LRRC4C: variants seen among roughly 807,000 people sequenced by gnomAD.
The protein encoded by LRRC4C is leucine-rich repeat-containing protein 4C.
A neutral mutation model predicts 33.6 loss-of-function variants in LRRC4C; 5 were observed. The observed-to-expected ratio is 0.15, with a 90% CI of 0.08 to 0.31. The LOEUF (loss-of-function observed/expected upper bound fraction) is 0.31, where lower values mean the gene tolerates loss of function less well. Among genes scored for constraint, LRRC4C ranks in the 10% least tolerant of loss-of-function variants. The pLI, the probability that LRRC4C is intolerant of heterozygous loss-of-function variation, is 1.00. For missense variants in LRRC4C, 560 were observed against 796.7 expected (o/e 0.70, Z 3.58); for synonymous variants, 329 against 302.0 (o/e 1.09, Z -0.93).
At chr11:40,417,095 A>C (rs188792612) in intron 3 of LRRC4C, among the ~76,000 whole-genome samples, 6 of 152,354 alleles carry the variant, frequency 3.9e-5, no homozygotes, top group Admixed American at 1.3e-4. Context: ...GAGAATAGAT[A>C]GGAAGGCAAG....
Position 40,529,933 on chromosome 11 carries a change from G to A in LRRC4C, c.-270+118209C>T, listed in dbSNP as rs551904100. ...ATGTAAACCTATGTAACAAACCTGC[G>A]TGTTGTGCTCATGTACCCCAGAAAT... On this transcript the variant is annotated intron_variant, in intron 3 of 6. Coordinates refer to ENST00000528697, the MANE Select transcript of LRRC4C (RefSeq NM_001258419.2). Among the ~76,000 whole-genome samples the A allele has an allele frequency of 9.9e-5, 15 of 152,120 alleles. 1 individual carries two copies. In the South Asian group the frequency reaches 2.3e-3, roughly 23 times the overall value.
At chr11:40,707,223 C>T (rs1946213306) in intron 2 of LRRC4C, among the ~76,000 whole-genome samples, 2 of 152,078 alleles carry the variant, frequency 1.3e-5, no homozygotes, top group South Asian at 4.1e-4. Flanking sequence ...GCCTGAGTGC[C>T]CTGGCCAGAA....
Position 41,146,243 on chromosome 11 carries a change from T to C in LRRC4C, c.-495-212520A>G, listed in dbSNP as rs566185690. On this transcript the variant is annotated intron_variant, in intron 1 of 6. Transcript: ENST00000528697. ...GTCCTAGCCTGGGTCATTTAACTTT[T>C]CTCTGCATTAATTTGACCACCAAAC... Among the ~76,000 whole-genome samples, 3 of 152,294 alleles carry C rather than the reference T, an allele frequency of 2.0e-5. 1 individual carries two copies. In the South Asian group the frequency reaches 6.2e-4, roughly 32 times the overall value.
intron 5 of LRRC4C, among the ~76,000 whole-genome samples, chr11:40,176,895 A>T (rs565506271): frequency 6.7e-6 from 1 of 149,690 alleles, no homozygotes; most frequent in Admixed American, 6.6e-5. Flanking sequence ...TATTTAATGT[A>T]AATCTCCCAG....
intron 1 of LRRC4C, among the ~76,000 whole-genome samples, chr11:41,097,329 G>A (rs11036230): frequency 0.1 from 15,204 of 152,164 alleles, 811 homozygotes; most frequent in South Asian, 0.17. Context: ...TTGTCCTCTG[G>A]ATGCCTAAAT....
At chr11:40,476,801 C>G (rs563129913) in intron 3 of LRRC4C, among the ~76,000 whole-genome samples, 1 of 152,058 alleles carries the variant, frequency 6.6e-6, no homozygotes, top group East Asian at 1.9e-4. Context: ...TAAGAATAAA[C>G]TTGGTTCATG....
intron 1 of LRRC4C, among the ~76,000 whole-genome samples, chr11:40,939,873 A>G (rs1348565356): frequency 2.0e-5 from 3 of 152,178 alleles, no homozygotes; most frequent in Admixed American, 1.3e-4. Flanking sequence ...GACAGAAATC[A>G]TTGTGATGAC....
chr11:40,940,042 T>G (rs1188704482), intron 1 of LRRC4C, among the ~76,000 whole-genome samples: 1 of 152,162 alleles, frequency 6.6e-6, no homozygotes, highest in African/African-American at 2.4e-5. Flanking sequence ...AGTACATTAG[T>G]CTACTTGGCT....
At chr11:41,025,831 T>C (rs569001613) in intron 1 of LRRC4C, among the ~76,000 whole-genome samples, 1 of 151,878 alleles carries the variant, frequency 6.6e-6, no homozygotes, top group South Asian at 2.1e-4. Flanking sequence ...TTCAAAGTTT[T>C]ATGCCTGTGT....
chr11:40,903,652 A>T (rs1054033843), intron 2 of LRRC4C, among the ~76,000 whole-genome samples: 2 of 152,162 alleles, frequency 1.3e-5, no homozygotes. Flanking sequence ...GATGATTTCA[A>T]ACCTTCTGGA....
At chr11:40,853,185 C>A (rs1953598863) in intron 2 of LRRC4C, among the ~76,000 whole-genome samples, 1 of 152,070 alleles carries the variant, frequency 6.6e-6, no homozygotes, top group Non-Finnish European at 1.5e-5. Context: ...AAGAGTACAA[C>A]ACATTCTGTA....
At chr11:41,427,705 C>T (rs1955089301) in intron 1 of LRRC4C, among the ~76,000 whole-genome samples, 1 of 152,126 alleles carries the variant, frequency 6.6e-6, no homozygotes, top group Admixed American at 6.6e-5. Flanking sequence ...GCCATCATAT[C>T]CCCTGTGACC....
chr11:41,149,292 T>G (rs984066328), intron 1 of LRRC4C, among the ~76,000 whole-genome samples: 2 of 151,504 alleles, frequency 1.3e-5, no homozygotes, highest in Non-Finnish European at 2.9e-5. Context: ...GATCACGAGG[T>G]CAGGAGATCG....
intron 3 of LRRC4C, among the ~76,000 whole-genome samples, chr11:40,355,859 T>G (rs1947632433): frequency 1.3e-5 from 2 of 152,168 alleles, no homozygotes; most frequent in African/African-American, 4.8e-5. Flanking sequence ...GTGTTCCTGT[T>G]GGAGAGACAA....
intron 3 of LRRC4C, among the ~76,000 whole-genome samples, chr11:40,565,490 T>A (rs10837438): frequency 6.6e-6 from 1 of 151,990 alleles, no homozygotes; most frequent in East Asian, 1.9e-4. Flanking sequence ...TAGCATGTTC[T>A]CATTTAGGGG....
intron 1 of LRRC4C, chr11:41,394,633 G>A (rs905898601): frequency 1.3e-5 from 2 of 151,954 alleles, no homozygotes; most frequent in Non-Finnish European, 2.9e-5. Flanking sequence ...GATAATAAAT[G>A]CAAAGTACTT....
At chr11:40,904,525 G>A (rs1423452648) in intron 2 of LRRC4C, among the ~76,000 whole-genome samples, 3 of 152,070 alleles carry the variant, frequency 2.0e-5, no homozygotes, top group African/African-American at 7.2e-5. Flanking sequence ...AAGAAGAGGG[G>A]GAAATCTACC....
intron 1 of LRRC4C, among the ~76,000 whole-genome samples, chr11:41,214,575 CAAA>C (rs547167050): frequency 2.9e-4 from 10 of 34,768 alleles, no homozygotes; most frequent in African/African-American, 1.1e-3. Flanking sequence ...ACTAAAAATA[CAAA>C]AAAAAAAAAA....
At chr11:40,185,905 T>C (rs1861365808) in intron 5 of LRRC4C, among the ~76,000 whole-genome samples, 1 of 152,138 alleles carries the variant, frequency 6.6e-6, no homozygotes, top group Non-Finnish European at 1.5e-5. Flanking sequence ...TGGTTGCTCA[T>C]TGTCTTCTTT....
Sources: gnomAD v4.1 joint callset for allele counts (sites outside exome capture counted in the v4.1 genomes callset) on GRCh38, gnomAD v4.1.1 for gene constraint, MANE v1.5 for transcripts, NCBI Gene and HGNC (gene_info 2026-07-23, HGNC 2026-07-21) for gene names.